Variants in ZNRF1 observed in about 807,000 individuals in gnomAD.
ZNRF1 encodes zinc and ring finger 1.
Under a neutral mutation model 18.4 loss-of-function variants are expected in ZNRF1, and 3 were observed. The observed-to-expected ratio is 0.16, with a 90% CI of 0.07 to 0.42. The LOEUF (loss-of-function observed/expected upper bound fraction) is 0.42, where lower values mean the gene tolerates loss of function less well. ZNRF1 is among the 10% of genes least tolerant of loss of function. The pLI is 0.99. For missense variants in ZNRF1, 310 were observed against 329.8 expected (o/e 0.94, Z 0.47); for synonymous variants, 157 against 144.2 (o/e 1.09, Z -0.64).
chr16:75,056,303 G>A (rs1196944672), intron 1 of ZNRF1, among the ~76,000 whole-genome samples: 1 of 152,220 alleles, frequency 6.6e-6, no homozygotes, highest in Non-Finnish European at 1.5e-5. Context: ...ATTTTCATCA[G>A]GCAGCTCTGG....
intron 1 of ZNRF1, among the ~76,000 whole-genome samples, chr16:75,011,261 A>G (rs998504172): frequency 3.3e-5 from 5 of 152,234 alleles, no homozygotes; most frequent in Non-Finnish European, 5.9e-5. Context: ...TGGGATTCCA[A>G]CCTAACAAAT....
chr16:75,024,070 A>G (rs2035190278), intron 1 of ZNRF1, among the ~76,000 whole-genome samples: 1 of 152,006 alleles, frequency 6.6e-6, no homozygotes, highest in Non-Finnish European at 1.5e-5. Flanking sequence ...GGGTTTCACC[A>G]TGTTGGCCAG....
At chr16:75,097,550 G>A (rs1438219044) in intron 2 of ZNRF1, among the ~76,000 whole-genome samples, 4 of 152,298 alleles carry the variant, frequency 2.6e-5, no homozygotes, top group South Asian at 2.1e-4. Context: ...AAGGGAGGCC[G>A]GATGCAGTGG....
Position 75,095,463 on chromosome 16 carries a change from G to A in ZNRF1, c.520+1796G>A, listed in dbSNP as rs563978699. The A allele has an allele frequency of 1.1e-5, 10 of 894,614 alleles. No homozygotes were observed. In the South Asian group the frequency reaches 1.4e-4, roughly 12 times the overall value. 55.4% of individuals were successfully genotyped at this position (894,614 alleles called of 1,614,324 possible). On this transcript the variant is annotated intron_variant, in intron 2 of 4. Coordinates refer to ENST00000335325, the MANE Select transcript of ZNRF1 (RefSeq NM_032268.5). ...AGGGAGGGAGAGGAGCCTTCCCTGC[G>A]TCTCACAGCCCTCCCTAGCCATGGC...
chr16:75,041,423 G>A (rs1183168460), intron 1 of ZNRF1, among the ~76,000 whole-genome samples: 2 of 152,220 alleles, frequency 1.3e-5, no homozygotes, highest in Middle Eastern at 3.4e-3. Flanking sequence ...TCTGCCTCCT[G>A]GGTTCAAGTG....
chr16:75,100,677 T>G lies in ZNRF1; in HGVS notation c.521-4107T>G, dbSNP rs2036245530. On this transcript the variant is annotated intron_variant, in intron 2 of 4. Transcript: ENST00000335325. ...AGGAGAAAATGCAAAGATAAACTAC[T>G]TAGGAATCAGTAATTGCCATGTTCC... Among the ~76,000 whole-genome samples the G allele has an allele frequency of 2.0e-5, 3 of 152,144 alleles. No individual in the cohort carries two copies. The South Asian group carries it at 6.2e-4, about 31-fold the overall frequency.
chr16:75,032,378 G>A (rs2035317738), intron 1 of ZNRF1, among the ~76,000 whole-genome samples: 1 of 151,936 alleles, frequency 6.6e-6, no homozygotes, highest in African/African-American at 2.4e-5. Context: ...CAAAGTGCTG[G>A]GATTACAGGC....
intron 1 of ZNRF1, among the ~76,000 whole-genome samples, chr16:75,038,090 A>G (rs113239753): frequency 6.6e-5 from 10 of 152,284 alleles, no homozygotes; most frequent in African/African-American, 2.4e-4. Context: ...CTTGAAGCCT[A>G]TTTTTGTTGT....
rs2036337548 is a variant in ZNRF1, at chr16:75,107,973, A to G, written c.*273A>G. ...GGGCATTTTCTTTTTCATCTTTGAA[A>G]GGCATTGTGGGTCTGTCTTTAAAGT... On this transcript the variant is annotated 3_prime_UTR_variant, in exon 5 of 5. Transcript: ENST00000335325. 5.7e-6 allele frequency: 2 copies of G among 353,946 alleles called. No homozygotes were observed. Among genetic ancestry groups the G allele is most frequent in the Non-Finnish European group, 1.1e-5 (2 of 176,398 alleles). 21.9% of individuals were successfully genotyped at this position (353,946 alleles called of 1,614,324 possible).
intron 1 of ZNRF1, among the ~76,000 whole-genome samples, chr16:75,058,411 A>G (rs1040730049): frequency 2.6e-5 from 4 of 152,284 alleles, no homozygotes; most frequent in East Asian, 3.9e-4. Context: ...GAATAACACA[A>G]TAAATGTTAG....
chr16:75,027,593 C>T (rs1334068506), intron 1 of ZNRF1, among the ~76,000 whole-genome samples: 3 of 152,154 alleles, frequency 2.0e-5, no homozygotes, highest in Non-Finnish European at 4.4e-5. Context: ...CATGCCTGTA[C>T]TTTTCTCCTT....
At chr16:75,071,857 G>A (rs1016694254) in intron 1 of ZNRF1, among the ~76,000 whole-genome samples, 1 of 152,146 alleles carries the variant, frequency 6.6e-6, no homozygotes, top group Non-Finnish European at 1.5e-5. Flanking sequence ...CTTTGCACAT[G>A]ATGCCCCCTC....
chr16:75,026,323 C>T (rs1171325806), intron 1 of ZNRF1, among the ~76,000 whole-genome samples: 1 of 151,904 alleles, frequency 6.6e-6, no homozygotes, highest in Non-Finnish European at 1.5e-5. Context: ...AGTAAAAGTA[C>T]TGGCATAGAA....
Position 75,012,241 on chromosome 16 carries a change from A to G in ZNRF1, c.424+12146A>G, listed in dbSNP as rs75982062. 9.5e-3 allele frequency among the ~76,000 whole-genome samples: 1,442 copies of G among 152,364 alleles called. 29 individuals are homozygous for G. Among genetic ancestry groups the G allele is most frequent in the African/African-American group, 0.033 (1,371 of 41,592 alleles). On this transcript the variant is annotated intron_variant, in intron 1 of 4. Coordinates refer to ENST00000335325, the MANE Select transcript of ZNRF1 (RefSeq NM_032268.5). ...GTGCTCAGTGAATTGCTGCAGTAGC[A>G]TGACCAGTGAGACTGGAGTTTCAAT...
Position 75,094,620 on chromosome 16 carries a change from G to A in ZNRF1, c.520+953G>A, listed in dbSNP as rs549195325. ...GGCACATAAAGGCCTTTGGTACAGA[G>A]CCTGGCACATGGTCAGTGCTTGGGA... is the stretch of plus-strand genomic sequence containing the variant. On this transcript the variant is annotated intron_variant, in intron 2 of 4. Transcript: ENST00000335325. Among the ~76,000 whole-genome samples, 22 of 152,312 alleles carry A rather than the reference G, an allele frequency of 1.4e-4. No individual in the cohort carries two copies. The South Asian group carries it at 3.1e-3, about 21-fold the overall frequency.
chr16:75,065,929 T>C (rs2035797869), intron 1 of ZNRF1, among the ~76,000 whole-genome samples: 1 of 152,160 alleles, frequency 6.6e-6, no homozygotes, highest in Admixed American at 6.5e-5. Flanking sequence ...CTCTCTCAGG[T>C]GACTTTTTCC....
At chr16:75,083,973 A>G (rs917919086) in intron 1 of ZNRF1, among the ~76,000 whole-genome samples, 1 of 152,220 alleles carries the variant, frequency 6.6e-6, no homozygotes, top group Non-Finnish European at 1.5e-5. Flanking sequence ...AGCTCGGCAC[A>G]TTGATTTCTT....
At chr16:75,044,002 G>A (rs1336254036) in intron 1 of ZNRF1, among the ~76,000 whole-genome samples, 3 of 151,904 alleles carry the variant, frequency 2.0e-5, no homozygotes, top group Admixed American at 6.6e-5. Context: ...TAGTAGAGAC[G>A]TGGTTTCACC....
intron 1 of ZNRF1, among the ~76,000 whole-genome samples, chr16:75,026,902 CA>C (rs778668725): frequency 4.9e-4 from 65 of 132,166 alleles, no homozygotes; most frequent in Non-Finnish European, 4.8e-4. Flanking sequence ...GAGACTGTCT[CA>C]AAAAAAAAAA....
Sources: gnomAD v4.1 joint callset for allele counts (sites outside exome capture counted in the v4.1 genomes callset) on GRCh38, gnomAD v4.1.1 for gene constraint, MANE v1.5 for transcripts, NCBI Gene and HGNC (gene_info 2026-07-23, HGNC 2026-07-21) for gene names.